TMCC2: variants seen among roughly 807,000 people sequenced by gnomAD.
The protein encoded by TMCC2 is transmembrane and coiled-coil domains protein 2.
TMCC2 carries 16 observed loss-of-function variants against 49.4 expected under a neutral mutation model. That is an observed-to-expected ratio of 0.32 (90% CI 0.22 to 0.49). The LOEUF is 0.49. TMCC2 is among the 20% of genes least tolerant of loss of function. The probability of loss-of-function intolerance (pLI) is 0.99; values close to 1 mark genes in which losing one functional copy is unlikely to be tolerated. For missense variants in TMCC2, 762 were observed against 989.8 expected (o/e 0.77, Z 3.09); for synonymous variants, 397 against 434.1 (o/e 0.91, Z 1.06).
intron 2 of TMCC2, chr1:205,268,071 C>A: frequency 1.0e-6 from 1 of 985,356 alleles, no homozygotes; most frequent in African/African-American, 1.7e-5. Flanking sequence ...TAATGGAGGG[C>A]CTGGGAGAGG....
rs573981552 is a variant in TMCC2, at chr1:205,245,131, A to G, written c.747+3087A>G. 5.9e-5 allele frequency among the ~76,000 whole-genome samples: 9 copies of G among 152,254 alleles called. No individual in the cohort carries two copies. The East Asian group carries it at 1.2e-3, about 20-fold the overall frequency. On this transcript the variant is annotated intron_variant, in intron 2 of 4. Transcript: ENST00000358024. Reference sequence around the variant, plus strand: ...TGATGACTGGAGGGTGGGGGAGAAGAGTGCAATGGCAGGGACCTCGAAGGC... The same window carrying G: ...TGATGACTGGAGGGTGGGGGAGAAGGGTGCAATGGCAGGGACCTCGAAGGC...
rs774057777 is a variant in TMCC2 at position 205,269,528 on chromosome 1, C to T, written c.1326C>T (p.Ile442=). 1.9e-5 allele frequency: 31 copies of T among 1,613,110 alleles called. No individual in the cohort carries two copies. Among genetic ancestry groups the T allele is most frequent in the South Asian group, 1.2e-4 (11 of 91,046 alleles). ...ACAAGTTTGGCAGTGCTGACAACAT[C>T]GCCCACCTGAAGGACCCCCTGGAAG... ...IRNKFGSADN[I]AHLKDPLEDG... The change falls in exon 3 of 5, where the codon ATC becomes ATT. Residue 442 remains isoleucine, a synonymous_variant. Transcript: ENST00000358024.
At chr1:205,243,343 C>G (rs1032581108) in intron 2 of TMCC2, among the ~76,000 whole-genome samples, 1 of 152,018 alleles carries the variant, frequency 6.6e-6, no homozygotes, top group Non-Finnish European at 1.5e-5. Context: ...AAGATCGAGC[C>G]ACTGCACTCC....
Position 205,251,752 on chromosome 1 carries a change from G to A in TMCC2, c.747+9708G>A, listed in dbSNP as rs555324316. Among the ~76,000 whole-genome samples the A allele has an allele frequency of 1.1e-4, 16 of 152,310 alleles. No individual in the cohort carries two copies. The East Asian group carries it at 1.9e-3, about 18-fold the overall frequency. Reference sequence around the variant, plus strand: ...CTTATGGGCATGCCCCCCAAGAGGTGCCACTCATGTCCTTTTGAAAGCCTT... The same window carrying A: ...CTTATGGGCATGCCCCCCAAGAGGTACCACTCATGTCCTTTTGAAAGCCTT... On this transcript the variant is annotated intron_variant, in intron 2 of 4. Transcript: ENST00000358024.
Position 205,272,290 on chromosome 1 carries a change from C to G in TMCC2, c.*166C>G, listed in dbSNP as rs1423826428. 1 of 1,354,402 alleles carries G rather than the reference C, an allele frequency of 7.4e-7. No individual in the cohort carries two copies. The highest frequency in any genetic ancestry group is 1.5e-5 in the African/African-American group (1 of 68,068). The allele number at this position is 1,354,402 out of a possible 1,614,324, so 83.9% of individuals were successfully genotyped here. A position where few individuals can be genotyped will look rare whatever the true frequency, so the allele number is the denominator to read the frequency against. The stretch of plus-strand genomic sequence containing the variant: ...TACTTGCTTCTGTCTGACACCTTCT[C>G]CCTGTTGGCCTGAAGGGAGCTTAGA... On this transcript the variant is annotated 3_prime_UTR_variant, in exon 5 of 5. Coordinates refer to ENST00000358024, the MANE Select transcript of TMCC2 (RefSeq NM_014858.4).
chr1:205,245,253 T>C (rs1660412314), intron 2 of TMCC2, among the ~76,000 whole-genome samples: 1 of 152,104 alleles, frequency 6.6e-6, no homozygotes, highest in Non-Finnish European at 1.5e-5. Flanking sequence ...CTGCGATTAA[T>C]GAGGGCTCCG....
At chr1:205,251,732 G>A (rs953079714) in intron 2 of TMCC2, among the ~76,000 whole-genome samples, 1 of 152,206 alleles carries the variant, frequency 6.6e-6, no homozygotes, top group Non-Finnish European at 1.5e-5. Flanking sequence ...AATGGCTTAT[G>A]GGCATGCCCC....
intron 2 of TMCC2, among the ~76,000 whole-genome samples, chr1:205,242,608 G>A (rs1037963366): frequency 3.3e-5 from 5 of 152,142 alleles, no homozygotes; most frequent in Non-Finnish European, 7.3e-5. Context: ...TTATATATTC[G>A]TTCTTTTATT....
At chr1:205,246,819 A>G (rs770739485) in intron 2 of TMCC2, 51 of 929,932 alleles carry the variant, frequency 5.5e-5, no homozygotes, top group Non-Finnish European at 6.9e-5. Flanking sequence ...TAGGGCTCCC[A>G]TGAAGACCTC....
chr1:205,242,494 G>A (rs926103535), intron 2 of TMCC2, among the ~76,000 whole-genome samples: 5 of 152,182 alleles, frequency 3.3e-5, no homozygotes, highest in African/African-American at 1.2e-4. Context: ...TTGGAATAGA[G>A]CCTGGCATAG....
Position 205,269,142 on chromosome 1 carries a change from G to T in TMCC2, c.940G>T (p.Val314Leu), listed in dbSNP as rs750784398. 1.2e-6 allele frequency: 2 copies of T among 1,614,160 alleles called. No homozygotes were observed. The highest frequency in any genetic ancestry group is 3.3e-5 in the Admixed American group (2 of 60,024). The change falls in exon 3 of 5, where the codon GTG (valine) becomes TTG (leucine). Residue 314 changes from valine (V) to leucine (L), a missense_variant. This residue lies in a region of TMCC2 where 440 missense variants were observed against 636.7 expected (regional missense o/e 0.69). Coordinates refer to ENST00000358024, the MANE Select transcript of TMCC2 (RefSeq NM_014858.4). ...KIEQEARDDN[V>L]AEYLKLANNA... ...TGAGCAGGAGGCTCGCGACGACAAT[G>T]TGGCAGAGTATCTGAAACTGGCCAA... is the stretch of plus-strand genomic sequence containing the variant.
intron 2 of TMCC2, among the ~76,000 whole-genome samples, chr1:205,253,443 C>T (rs867925599): frequency 3.0e-4 from 45 of 152,198 alleles, no homozygotes; most frequent in Admixed American, 1.7e-3. Flanking sequence ...TCACCCCCGC[C>T]TCAGGCTTAA....
intron 1 of TMCC2, among the ~76,000 whole-genome samples, chr1:205,239,006 C>T (rs1407693909): frequency 3.3e-5 from 5 of 152,150 alleles, no homozygotes; most frequent in African/African-American, 1.2e-4. Context: ...TGGCAGACAT[C>T]GGTGGCCACC....
At position 205,269,171 on chromosome 1, in the gene TMCC2, C is replaced by A. The variant is rs771577227; in HGVS notation, c.969C>A (p.Asn323Lys). ...CAGAGTATCTGAAACTGGCCAACAA[C>A]GCGGACAAGCAGCAGGTGTCACGCA... ...NVAEYLKLAN[N>K]ADKQQVSRIK... is the part of the protein sequence containing the mutation. The change falls in exon 3 of 5, where the codon AAC becomes AAA. Residue 323 changes from asparagine (N) to lysine (K), a missense_variant. By Grantham distance (94) the Asn-to-Lys change is moderately conservative. Transcript: ENST00000358024. 1 of 1,614,132 alleles carries A rather than the reference C, an allele frequency of 6.2e-7. No individual in the cohort carries two copies. Among genetic ancestry groups the A allele is most frequent in the Admixed American group, 1.7e-5 (1 of 60,022 alleles).
chr1:205,255,476 AC>A (rs553599897), intron 2 of TMCC2, among the ~76,000 whole-genome samples: 15 of 152,036 alleles, frequency 9.9e-5, no homozygotes, highest in Non-Finnish European at 2.2e-4. Context: ...AATCGGTTGA[AC>A]CCAGGAGGTG....
Position 205,228,536 on chromosome 1 carries a change from C to T in TMCC2, c.-29C>T. 1.3e-6 allele frequency: 2 copies of T among 1,575,638 alleles called. No homozygotes were observed. Among genetic ancestry groups the T allele is most frequent in the Non-Finnish European group, 1.7e-6 (2 of 1,154,536 alleles). Reference sequence around the variant, plus strand: ...TCCCCAAGACGGCGCGCTGGAAGGACAGATTCCCCTTGCCGACCCACATAC... The same window carrying T: ...TCCCCAAGACGGCGCGCTGGAAGGATAGATTCCCCTTGCCGACCCACATAC... On this transcript the variant is annotated 5_prime_UTR_variant, in exon 1 of 5. Coordinates refer to ENST00000358024, the MANE Select transcript of TMCC2 (RefSeq NM_014858.4).
chr1:205,270,496 CTG>C (rs2102617673), intron 3 of TMCC2, among the ~76,000 whole-genome samples: 1 of 152,350 alleles, frequency 6.6e-6, no homozygotes, highest in Admixed American at 6.5e-5. Context: ...GCCCTTGGCT[CTG>C]TGCCTCTGCA....
chr1:205,265,498 C>G (rs1661285536), intron 2 of TMCC2, among the ~76,000 whole-genome samples: 1 of 152,188 alleles, frequency 6.6e-6, no homozygotes, highest in Admixed American at 6.5e-5. Flanking sequence ...GGGACAGACT[C>G]TGTCCCTGTT....
intron 2 of TMCC2, chr1:205,257,084 G>A (rs536773473): frequency 3.5e-5 from 38 of 1,073,034 alleles, no homozygotes; most frequent in African/African-American, 5.0e-5. Context: ...CGGTCCTCCC[G>A]CGCTCGGTGA....
Sources: gnomAD v4.1 joint callset for allele counts (sites outside exome capture counted in the v4.1 genomes callset) on GRCh38, gnomAD v4.1.1 for gene constraint, gnomAD v4.1.1 regional missense constraint, MANE v1.5 for transcripts, NCBI Gene and HGNC (gene_info 2026-07-23, HGNC 2026-07-21) for gene names.